PDLIM3: variants seen among roughly 807,000 people sequenced by gnomAD.
PDLIM3 encodes PDZ and LIM domain 3, also known as PDZ and LIM domain protein 3.
Under a neutral mutation model 37.3 loss-of-function variants are expected in PDLIM3, and 36 were observed. The ratio of observed to expected loss-of-function variants is 0.97; its 90% CI spans 0.74 to 1.28. The LOEUF is 1.28. PDLIM3 is among the 50% of genes most tolerant of loss of function. The pLI is 0.00. For synonymous variants in PDLIM3, 174 were observed against 182.4 expected, an observed-to-expected ratio of 0.95 and a Z score of 0.37; for missense variants, 454 against 485.0, an observed-to-expected ratio of 0.94 and a Z score of 0.60.
chr4:185,517,691 A>C (rs986756525), intron 3 of PDLIM3: 4 of 151,970 alleles, frequency 2.6e-5, no homozygotes, highest in South Asian at 2.1e-4. Flanking sequence ...AAAAAAAAAA[A>C]CCAACAACCT....
intron 3 of PDLIM3, among the ~76,000 whole-genome samples, chr4:185,522,257 T>G (rs1007105359): frequency 4.6e-5 from 3 of 65,698 alleles, no homozygotes; most frequent in African/African-American, 8.3e-5. Context: ...CAGCCTGGGG[T>G]GGGGGTAACG....
chr4:185,511,271 A>C (rs1220191040), intron 4 of PDLIM3, among the ~76,000 whole-genome samples: 1 of 152,248 alleles, frequency 6.6e-6, no homozygotes, highest in African/African-American at 2.4e-5. Flanking sequence ...GTCTTTTAAA[A>C]GGCTTCAGTT....
Position 185,514,282 on chromosome 4 carries a change from G to A in PDLIM3, c.386C>T (p.Pro129Leu), listed in dbSNP as rs1418573250. ...HNIRPKPFVI[P>L]GRSSGCSTPS... ...CAGCGCTTATGACCTGCTTCGGCCC[G>A]GGATCACGAAAGGTTTGGGCCGAAT... Residue 129 changes from proline to leucine, a missense_variant, in exon 4 of 8, where the codon CCG becomes CTG. Coordinates refer to ENST00000284767, the MANE Select transcript of PDLIM3 (RefSeq NM_014476.6). This position sits in a 1 kb window ranked among gnomAD's most constrained non-coding sequence, Gnocchi z 4.0. 3.7e-6 allele frequency: 6 copies of A among 1,614,056 alleles called. No homozygotes were observed. In the Admixed American group the frequency reaches 5.0e-5, roughly 13 times the overall value.
chr4:185,515,857 C>T (rs985067827), intron 3 of PDLIM3: 1 of 151,970 alleles, frequency 6.6e-6, no homozygotes, highest in Non-Finnish European at 1.5e-5. Context: ...AAAGGGAATG[C>T]TCAATTACAG....
chr4:185,531,461 AT>A (rs551495912), intron 1 of PDLIM3, among the ~76,000 whole-genome samples: 136 of 152,218 alleles, frequency 8.9e-4, no homozygotes, highest in African/African-American at 3.0e-3. Flanking sequence ...CTTACTTTTG[AT>A]TTTTTTATAA....
chr4:185,519,160 T>C (rs774126348), intron 3 of PDLIM3, among the ~76,000 whole-genome samples: 36 of 152,236 alleles, frequency 2.4e-4, no homozygotes, highest in African/African-American at 8.7e-4. Flanking sequence ...CAGGATTGCA[T>C]GGAAGGCATT....
rs147333310 is a variant in PDLIM3 at position 185,528,619 on chromosome 4, T to A, written c.94-3448A>T. ...ACCTGCGGCTTTGCTGCTGAGCAGC[T>A]GTACAGCTATGTCACCAGCTCCTTC... On this transcript the variant is annotated intron_variant, in intron 1 of 7. Transcript: ENST00000284767. Among the ~76,000 whole-genome samples, 39 of 152,370 alleles carry A rather than the reference T, an allele frequency of 2.6e-4. No homozygotes were observed. In the East Asian group the frequency reaches 6.9e-3, roughly 27 times the overall value.
chr4:185,519,796 T>C (rs2153337309), intron 3 of PDLIM3, among the ~76,000 whole-genome samples: 1 of 152,316 alleles, frequency 6.6e-6, no homozygotes, highest in Middle Eastern at 3.4e-3. Flanking sequence ...ATGTCAAAGG[T>C]CACATAACTT....
chr4:185,534,876 G>A (rs1055232824), intron 1 of PDLIM3, among the ~76,000 whole-genome samples: 7 of 152,236 alleles, frequency 4.6e-5, no homozygotes, highest in African/African-American at 1.7e-4. Flanking sequence ...TTTTCATCCG[G>A]ACGAGAAAAA....
At chr4:185,502,614 A>G (rs887784681) in intron 7 of PDLIM3, 131 bp from the exon 8 acceptor site, 1 of 799,264 alleles carries the variant, frequency 1.3e-6, no homozygotes, top group Non-Finnish European at 2.1e-6. Context: ...CAGCTGTGAA[A>G]GCAGGCACAG....
intron 1 of PDLIM3, among the ~76,000 whole-genome samples, chr4:185,529,411 AGAT>A (rs747286290): frequency 6.6e-6 from 1 of 152,212 alleles, no homozygotes; most frequent in Non-Finnish European, 1.5e-5. Flanking sequence ...CATGGTCCTG[AGAT>A]GATGTTTCTG....
At chr4:185,527,913 G>C (rs148832089) in intron 1 of PDLIM3, among the ~76,000 whole-genome samples, 1 of 152,106 alleles carries the variant, frequency 6.6e-6, no homozygotes, top group African/African-American at 2.4e-5. Context: ...AAAAAGCTAG[G>C]CATAATGGTG....
At chr4:185,523,564 A>G in intron 2 of PDLIM3, 118 bp from the exon 3 acceptor site, 1 of 548,348 alleles carries the variant, frequency 1.8e-6, no homozygotes, top group South Asian at 2.0e-5. Flanking sequence ...CTTATGCAAA[A>G]ACAATTTTTT....
intron 3 of PDLIM3, among the ~76,000 whole-genome samples, chr4:185,519,331 G>A (rs1339220301): frequency 6.6e-6 from 1 of 152,148 alleles, no homozygotes; most frequent in African/African-American, 2.4e-5. Flanking sequence ...TGTTGCCCAG[G>A]CTGGAGTGCA....
chr4:185,532,332 C>T (rs563665092), intron 1 of PDLIM3, among the ~76,000 whole-genome samples: 43 of 152,266 alleles, frequency 2.8e-4, no homozygotes, highest in Middle Eastern at 6.8e-3. Context: ...TTTCTGCCTT[C>T]GGGGAATGTG....
intron 4 of PDLIM3, among the ~76,000 whole-genome samples, chr4:185,509,813 C>T (rs2095703819): frequency 1.3e-5 from 2 of 152,098 alleles, no homozygotes; most frequent in Non-Finnish European, 2.9e-5. Flanking sequence ...AACTTCAGCC[C>T]ATATAAAGAT....
intron 3 of PDLIM3, 184 bp downstream of exon 3, chr4:185,523,178 A>C (rs1327815530): frequency 3.5e-6 from 2 of 574,888 alleles, no homozygotes; most frequent in African/African-American, 1.9e-5. Flanking sequence ...TTCACATAGG[A>C]ACACTTCTTT....
rs768951719 is a variant in PDLIM3 at position 185,514,997 on chromosome 4, C to T, written c.331-660G>A. On this transcript the variant is annotated intron_variant, in intron 3 of 7. Coordinates refer to ENST00000284767, the MANE Select transcript of PDLIM3 (RefSeq NM_014476.6). The surrounding 1 kb of genome is among the most constrained non-coding windows in gnomAD (Gnocchi z 4.0). ...TTAATAAAGGCATCTTTACCCACGA[C>T]GAGATTGACGGAAAGATTAGAGGAG... The T allele has an allele frequency of 3.6e-6, 3 of 833,280 alleles. No homozygotes were observed. Among genetic ancestry groups the T allele is most frequent in the Admixed American group, 3.1e-5 (1 of 32,728 alleles). The allele number at this position is 833,280 out of a possible 1,614,324, so 51.6% of individuals were successfully genotyped here. A position where few individuals can be genotyped will look rare whatever the true frequency, so the allele number is the denominator to read the frequency against.
At chr4:185,530,484 G>T (rs777258574) in intron 1 of PDLIM3, among the ~76,000 whole-genome samples, 1 of 152,136 alleles carries the variant, frequency 6.6e-6, no homozygotes, top group Non-Finnish European at 1.5e-5. Context: ...AGGAAGGAGG[G>T]AGGAGTGAAG....
Sources: gnomAD v4.1 joint callset for allele counts (sites outside exome capture counted in the v4.1 genomes callset) on GRCh38, gnomAD v4.1.1 for gene constraint, Gnocchi (gnomAD v3.1) non-coding constraint, MANE v1.5 for transcripts, NCBI Gene and HGNC (gene_info 2026-07-23, HGNC 2026-07-21) for gene names.